Variants in OPN3 observed in about 807,000 individuals in gnomAD.
The protein encoded by OPN3 is opsin-3.
Under a neutral mutation model 33.8 loss-of-function variants are expected in OPN3, and 29 were observed. The ratio of observed to expected loss-of-function variants is 0.86; its 90% CI spans 0.64 to 1.17. The LOEUF is 1.17. Ranked by LOEUF, OPN3 falls within the 50% of genes most tolerant of loss-of-function variation. OPN3 has a pLI of 0.00. For synonymous variants in OPN3, 216 were observed against 216.1 expected, an observed-to-expected ratio of 1.00 and a Z score of 0.00; for missense variants, 437 against 514.1, an observed-to-expected ratio of 0.85 and a Z score of 1.45.
intron 1 of OPN3, among the ~76,000 whole-genome samples, chr1:241,619,163 T>C (rs1456913343): frequency 6.6e-6 from 1 of 152,216 alleles, no homozygotes; most frequent in Non-Finnish European, 1.5e-5. Flanking sequence ...GGTTGTTTCA[T>C]ACTGGGCTCT....
intron 1 of OPN3, among the ~76,000 whole-genome samples, chr1:241,628,079 G>A (rs1664473850): frequency 6.6e-6 from 1 of 152,102 alleles, no homozygotes; most frequent in South Asian, 2.1e-4. Flanking sequence ...AGTGTTAAAC[G>A]ATTCGGCTTT....
At chr1:241,597,574 T>C (rs576475287) in intron 3 of OPN3, among the ~76,000 whole-genome samples, 172 bp downstream of exon 3, 1 of 152,322 alleles carries the variant, frequency 6.6e-6, no homozygotes, top group Admixed American at 6.5e-5. Context: ...CTTAGAATTG[T>C]TATGATTTTC....
chr1:241,607,492 C>T (rs536984547), intron 1 of OPN3, among the ~76,000 whole-genome samples: 4 of 150,196 alleles, frequency 2.7e-5, no homozygotes, highest in East Asian at 3.9e-4. Flanking sequence ...CCAGCCTGGG[C>T]GATGGAGCAA....
intron 2 of OPN3, among the ~76,000 whole-genome samples, chr1:241,599,505 C>A (rs1410896242): frequency 1.3e-5 from 2 of 151,148 alleles, no homozygotes; most frequent in African/African-American, 4.9e-5. Flanking sequence ...AAAGGTTTAC[C>A]TTTAACGGCA....
intron 1 of OPN3, among the ~76,000 whole-genome samples, chr1:241,623,419 A>G (rs984623306): frequency 3.9e-5 from 6 of 152,154 alleles, no homozygotes; most frequent in African/African-American, 1.4e-4. Flanking sequence ...TCCTCGATTC[A>G]TCTTCCATAT....
intron 1 of OPN3, among the ~76,000 whole-genome samples, chr1:241,610,685 A>AG (rs1663967286): frequency 6.6e-6 from 1 of 152,242 alleles, no homozygotes; most frequent in African/African-American, 2.4e-5. Flanking sequence ...TTATAAACAG[A>AG]GAAGTAAACT....
At chr1:241,630,759 C>A (rs1270509055) in intron 1 of OPN3, 1 of 151,806 alleles carries the variant, frequency 6.6e-6, no homozygotes, top group African/African-American at 2.4e-5. Flanking sequence ...TAAATCATTG[C>A]CAGAGAAATA....
intron 1 of OPN3, among the ~76,000 whole-genome samples, chr1:241,626,840 T>A (rs1197955197): frequency 6.6e-6 from 1 of 152,198 alleles, no homozygotes; most frequent in Admixed American, 6.5e-5. Context: ...TTTAATTATA[T>A]GATGTATAAT....
chr1:241,633,907 A>C (rs1664753515), intron 1 of OPN3: 1 of 1,613,682 alleles, frequency 6.2e-7, no homozygotes, highest in South Asian at 1.1e-5. Flanking sequence ...GCTTATCATC[A>C]CCATCAAAGA....
At chr1:241,605,876 T>G (rs1035500630) in intron 1 of OPN3, among the ~76,000 whole-genome samples, 8 of 152,238 alleles carry the variant, frequency 5.3e-5, no homozygotes, top group African/African-American at 1.7e-4. Flanking sequence ...GCTTTTAACT[T>G]CTAGCTAACG....
At chr1:241,595,038 GC>G (rs1663459064) in intron 3 of OPN3, 1 of 190,756 alleles carries the variant, frequency 5.2e-6, no homozygotes, top group South Asian at 1.5e-4. Flanking sequence ...CTAGGTGACA[GC>G]CACTGTGCTA....
intron 1 of OPN3, chr1:241,633,947 C>A (rs753286099): frequency 6.2e-7 from 1 of 1,613,838 alleles, no homozygotes; most frequent in Non-Finnish European, 8.5e-7. Context: ...AGGTGGAGGG[C>A]AGAATTCTTC....
chr1:241,599,185 A>AT (rs969544847), intron 2 of OPN3, among the ~76,000 whole-genome samples: 5 of 152,044 alleles, frequency 3.3e-5, no homozygotes, highest in African/African-American at 7.2e-5. Context: ...TAAATCATTG[A>AT]TTTTTTTAGG....
intron 1 of OPN3, chr1:241,630,454 TGA>T (rs1664587126): frequency 2.6e-5 from 4 of 152,114 alleles, no homozygotes. Flanking sequence ...GATGTAGAAA[TGA>T]GATTTTTAAA....
chr1:241,615,988 C>T, intron 1 of OPN3: 1 of 456,572 alleles, frequency 2.2e-6, no homozygotes, highest in Admixed American at 2.3e-5. Flanking sequence ...GACCAATGGC[C>T]AAGAGACAGG....
At chr1:241,619,186 C>T (rs989600964) in intron 1 of OPN3, among the ~76,000 whole-genome samples, 1 of 152,158 alleles carries the variant, frequency 6.6e-6, no homozygotes, top group Non-Finnish European at 1.5e-5. Flanking sequence ...AACTTGCTTG[C>T]CTTTGTCCCC....
chr1:241,625,674 G>A (rs1248295858), intron 1 of OPN3, among the ~76,000 whole-genome samples: 1 of 152,116 alleles, frequency 6.6e-6, no homozygotes, highest in Non-Finnish European at 1.5e-5. Context: ...GGGGAACTGG[G>A]GGATCTATAT....
chr1:241,598,209 G>C (rs958122453), intron 2 of OPN3, among the ~76,000 whole-genome samples: 2 of 152,074 alleles, frequency 1.3e-5, no homozygotes. Flanking sequence ...TTACAACATA[G>C]GGTGGTTGAG....
At position 241,594,757 on chromosome 1, in the gene OPN3, G is replaced by A. The variant is rs1041752381; in HGVS notation, c.946-66C>T. 7.1e-6 allele frequency: 11 copies of A among 1,543,264 alleles called. No individual in the cohort carries two copies. The African/African-American group carries it at 8.3e-5, about 12-fold the overall frequency. ...TGGGCACTAATCTGGATTAACATTCGAGGAAATCAGTTGAGCTGAATTTAA... is the reference window on the plus strand; with the variant it reads ...TGGGCACTAATCTGGATTAACATTCAAGGAAATCAGTTGAGCTGAATTTAA... On this transcript the variant is annotated intron_variant, in intron 3 of 3. Coordinates refer to ENST00000366554, the MANE Select transcript of OPN3 (RefSeq NM_014322.3).
Sources: allele counts gnomAD v4.1 joint callset (sites outside exome capture counted in the v4.1 genomes callset), GRCh38; gene constraint gnomAD v4.1.1; transcripts MANE v1.5; gene names NCBI Gene and HGNC (gene_info 2026-07-23, HGNC 2026-07-21).